TRIM17: variants seen among roughly 807,000 people sequenced by gnomAD.
TRIM17 encodes the protein tripartite motif containing 17, also known as E3 ubiquitin-protein ligase TRIM17.
TRIM17 carries 27 observed loss-of-function variants against 35.8 expected under a neutral mutation model. That is an observed-to-expected ratio of 0.75 (90% CI 0.56 to 1.04). The LOEUF is 1.04. Ranked by LOEUF, TRIM17 falls within the 50% of genes least tolerant of loss-of-function variation. The probability of loss-of-function intolerance (pLI) is 0.00; values close to 1 mark genes in which losing one functional copy is unlikely to be tolerated. For synonymous variants in TRIM17, 246 were observed against 252.6 expected (o/e 0.97, Z 0.25); for missense variants, 582 against 612.8 (o/e 0.95, Z 0.53).
At position 228,416,496 on chromosome 1, in the gene TRIM17, G is replaced by A. The variant is rs929351035; in HGVS notation, c.-42+43C>T. ...GTTAGGCTTAGGTCGTGGCCCAGGC[G>A]CCACAGGAGGGTAGCCTAGGCGGCG... is the stretch of plus-strand genomic sequence containing the variant. On this transcript the variant is annotated intron_variant, in intron 1 of 6. Transcript: ENST00000366698. 1.0e-5 allele frequency: 10 copies of A among 985,544 alleles called. No individual in the cohort carries two copies. In the South Asian group the frequency reaches 1.9e-4, roughly 19 times the overall value. The allele number at this position is 985,544 out of a possible 1,614,324, so 61.0% of individuals were successfully genotyped here.
chr1:228,413,211 C>CAA (rs59069528), intron 3 of TRIM17, among the ~76,000 whole-genome samples: 42 of 103,940 alleles, frequency 4.0e-4, no homozygotes, highest in African/African-American at 1.2e-3. Flanking sequence ...AACTCCATCT[C>CAA]AAAAAAAAAA....
At position 228,411,063 on chromosome 1, in the gene TRIM17, C is replaced by T. The variant is rs1164789695; in HGVS notation, c.639G>A (p.Glu213=). ...CGCTCTCCCGGAGCCTGCTGGCAGT[C>T]TCCTCTTCTTCCGTCTCCAGAGCCT... ...LLQALETEEE[E]TASRLRESVA... Residue 213 remains glutamate (E), a synonymous_variant, in exon 4 of 7, where the codon GAG becomes GAA. Transcript: ENST00000366698. The surrounding 1 kb of genome is among the most constrained non-coding windows in gnomAD (Gnocchi z 4.2). 2 of 1,613,970 alleles carry T rather than the reference C, an allele frequency of 1.2e-6. No homozygotes were observed. The highest frequency in any genetic ancestry group is 1.7e-6 in the Non-Finnish European group (2 of 1,180,022).
At chr1:228,413,208 T>C (rs1478925340) in intron 3 of TRIM17, among the ~76,000 whole-genome samples, 2 of 93,540 alleles carry the variant, frequency 2.1e-5, no homozygotes, top group African/African-American at 1.0e-4. Context: ...TGAAACTCCA[T>C]CTCAAAAAAA....
At chr1:228,415,691 A>AG (rs1657074303) in intron 1 of TRIM17, 1 of 152,980 alleles carries the variant, frequency 6.5e-6, no homozygotes, top group Non-Finnish European at 1.5e-5. Flanking sequence ...GGGCTATCAG[A>AG]GGAAAAAAGC....
intron 6 of TRIM17, 92 bp downstream of exon 6, chr1:228,409,080 C>G (rs774778348): frequency 8.7e-6 from 14 of 1,613,604 alleles, no homozygotes; most frequent in Non-Finnish European, 1.0e-5. Context: ...TTGTAGAACC[C>G]CCCCCATTGG....
At position 228,414,018 on chromosome 1, in the gene TRIM17, A is replaced by C. The variant is rs1290021420; in HGVS notation, c.430-126T>G. ...CTCCTCAGGAGGGGCAGGGGATCAAAATACGTCACCCAGAATGTGCCACCT... is the reference window on the plus strand; with the variant it reads ...CTCCTCAGGAGGGGCAGGGGATCAACATACGTCACCCAGAATGTGCCACCT... On this transcript the variant is annotated intron_variant, in intron 2 of 6. Coordinates refer to ENST00000366698, the MANE Select transcript of TRIM17 (RefSeq NM_016102.4). 5 of 726,890 alleles carry C rather than the reference A, an allele frequency of 6.9e-6. No homozygotes were observed. The Admixed American group carries it at 8.7e-5, about 13-fold the overall frequency. The allele number at this position is 726,890 out of a possible 1,614,324, so 45.0% of individuals were successfully genotyped here.
chr1:228,410,979 C>A lies in TRIM17; in HGVS notation c.723G>T (p.Glu241Asp), dbSNP rs1209610627. The change falls in exon 4 of 7, where the codon GAG becomes GAT. Residue 241 changes from glutamate (E) to aspartate (D), a missense_variant. Physicochemically the swap from Glu to Asp is conservative, Grantham distance 45. Coordinates refer to ENST00000366698, the MANE Select transcript of TRIM17 (RefSeq NM_016102.4). The surrounding 1 kb of genome is among the most constrained non-coding windows in gnomAD (Gnocchi z 4.6). ...SLELLLLQLE[E>D]RSTQGPLQML... ...TCTGGAGGGGCCCCTGTGTGCTCCGCTCCTCCAGCTGCAGCAGCAGCAGCT... is the reference window on the plus strand; with the variant it reads ...TCTGGAGGGGCCCCTGTGTGCTCCGATCCTCCAGCTGCAGCAGCAGCAGCT... The A allele has an allele frequency of 6.2e-7, 1 of 1,600,642 alleles. No individual in the cohort carries two copies. Among genetic ancestry groups the A allele is most frequent in the African/African-American group, 1.3e-5 (1 of 74,632 alleles).
chr1:228,415,328 C>A (rs10799476), intron 1 of TRIM17: 130,757 of 459,394 alleles, frequency 0.28, 20,671 homozygotes, highest in South Asian at 0.5. Flanking sequence ...CTCCGCCTCT[C>A]CTCTCCACTG....
chr1:228,416,624 C>A lies in TRIM17; in HGVS notation c.-127G>T. On this transcript the variant is annotated 5_prime_UTR_variant, in exon 1 of 7. Transcript: ENST00000366698. The stretch of plus-strand genomic sequence containing the variant: ...AAGGCTGGGTCTGCCCCCACGAAGC[C>A]CAGGAGGCTGCGGCCCGGCCCGGGG... The A allele has an allele frequency of 5.1e-6, 5 of 985,358 alleles. No individual in the cohort carries two copies. The highest frequency in any genetic ancestry group is 6.0e-6 in the Non-Finnish European group (5 of 830,100). The allele number at this position is 985,358 out of a possible 1,614,324, so 61.0% of individuals were successfully genotyped here.
intron 1 of TRIM17, 196 bp from the exon 2 acceptor site, chr1:228,415,309 T>G: frequency 1.9e-6 from 1 of 520,906 alleles, no homozygotes; most frequent in Non-Finnish European, 3.4e-6. Context: ...ACCAATGCTC[T>G]GCAGGCCCCT....
intron 2 of TRIM17, 137 bp downstream of exon 2, chr1:228,414,507 C>G: frequency 1.4e-6 from 1 of 726,046 alleles, no homozygotes; most frequent in East Asian, 2.7e-5. Flanking sequence ...ACCTTGTCCC[C>G]TGGATGCCTC....
chr1:228,408,583 T>A lies in TRIM17; in HGVS notation c.1052A>T (p.His351Leu). 6.2e-7 allele frequency: 1 copy of A among 1,614,022 alleles called. No homozygotes were observed. The highest frequency in any genetic ancestry group is 8.5e-7 in the Non-Finnish European group (1 of 1,180,012). ...GATGTTCATGCCCACCTCCCAGTAG[T>A]GCCTCCCAGAGGAGAAGGCCGTCTG... Reference protein sequence around the residue: ...VGQTAFSSGRHYWEVGMNITG... With the variant: ...VGQTAFSSGRLYWEVGMNITG... Residue 351 changes from histidine to leucine, a missense_variant, in exon 7 of 7, where the codon CAC becomes CTC. Physicochemically the swap from His to Leu is moderately conservative, Grantham distance 99 (BLOSUM62 -3). Transcript: ENST00000366698. This position sits in a 1 kb window ranked among gnomAD's most constrained non-coding sequence, Gnocchi z 6.3.
At position 228,410,672 on chromosome 1, in the gene TRIM17, G is replaced by A. The variant is rs1656726325; in HGVS notation, c.756+274C>T. Among the ~76,000 whole-genome samples the A allele has an allele frequency of 1.3e-5, 2 of 152,186 alleles. No individual in the cohort carries two copies. Among genetic ancestry groups the A allele is most frequent in the South Asian group, 4.1e-4 (2 of 4,824 alleles). ...TGGGCCCTAATCCAGTCTGACTGGT[G>A]TCTTTATACAAGGAGATGATTAGGA... On this transcript the variant is annotated intron_variant, in intron 4 of 6. Transcript: ENST00000366698. This position sits in a 1 kb window ranked among gnomAD's most constrained non-coding sequence, Gnocchi z 4.6.
Position 228,411,414 on chromosome 1 carries a change from A to G in TRIM17, c.526-238T>C, listed in dbSNP as rs1656779998. 6.6e-6 allele frequency among the ~76,000 whole-genome samples: 1 copy of G among 152,198 alleles called. No individual in the cohort carries two copies. The highest frequency in any genetic ancestry group is 6.5e-5 in the Admixed American group (1 of 15,280). On this transcript the variant is annotated intron_variant, in intron 3 of 6. Transcript: ENST00000366698. The surrounding 1 kb of genome is among the most constrained non-coding windows in gnomAD (Gnocchi z 4.2). ...CAAACACCCATGCACCCTTGCTCTG[A>G]GGAGGTTCAGAATGTCCACCCCCAG...
chr1:228,409,382 C>T lies in TRIM17; in HGVS notation c.779+7G>A. The T allele has an allele frequency of 6.3e-7, 1 of 1,574,866 alleles. No homozygotes were observed. Among genetic ancestry groups the T allele is most frequent in the Non-Finnish European group, 8.6e-7 (1 of 1,162,388 alleles). ...TGCCCCCGCCCCTGCCTGAGGGGAC[C>T]ACATACCTGCTCAGGGGTTCCTTCA... On this transcript the variant is annotated splice_region_variant and intron_variant, in intron 5 of 6. Transcript: ENST00000366698.
chr1:228,415,109 G>A lies in TRIM17; in HGVS notation c.-37C>T. The A allele has an allele frequency of 6.4e-7, 1 of 1,568,452 alleles. No individual in the cohort carries two copies. Among genetic ancestry groups the A allele is most frequent in the Non-Finnish European group, 8.7e-7 (1 of 1,155,228 alleles). ...GACACGAGGCAGGTTCCCGCTTGAG[G>A]GACTCTGGAGAGAGTTGGAGGGAGC... On this transcript the variant is annotated 5_prime_UTR_variant, in exon 2 of 7. Transcript: ENST00000366698.
intron 4 of TRIM17, among the ~76,000 whole-genome samples, chr1:228,409,952 C>A (rs1044138985): frequency 2.0e-5 from 3 of 152,142 alleles, no homozygotes; most frequent in African/African-American, 7.2e-5. Flanking sequence ...AGAGCGTGAC[C>A]CTAACTCTAG....
rs2291998 is a variant in TRIM17, at chr1:228,414,812, C to T, written c.261G>A (p.Ala87=). 23,992 of 1,613,420 alleles carry T rather than the reference C, an allele frequency of 0.015. 307 individuals carry two copies. Among genetic ancestry groups the T allele is most frequent in the East Asian group, 0.063 (2,830 of 44,874 alleles). ...GCTTCTGCAGACCAGGATGCTGCTG[C>T]GCCATCTCGGCCACCTTGGTCAGCA... is the stretch of plus-strand genomic sequence containing the variant. The part of the protein sequence containing the change: ...NRLLTKVAEM[A]QQHPGLQKQD... The change falls in exon 2 of 7, where the codon GCG becomes GCA. Residue 87 remains alanine (A), a synonymous_variant. Transcript: ENST00000366698.
In TRIM17 at chr1:228,411,728, G is replaced by A. The variant is rs1005256158; in HGVS notation, c.526-552C>T. On this transcript the variant is annotated intron_variant, in intron 3 of 6. Coordinates refer to ENST00000366698, the MANE Select transcript of TRIM17 (RefSeq NM_016102.4). The surrounding 1 kb of genome is among the most constrained non-coding windows in gnomAD (Gnocchi z 4.2). ...TGCAACTTTGACCTCCTGGCCTCAA[G>A]TGACCCTCCCACCTCAGCCTTCCAA... Among the ~76,000 whole-genome samples the A allele has an allele frequency of 1.3e-5, 2 of 152,196 alleles. No homozygotes were observed. The highest frequency in any genetic ancestry group is 2.9e-5 in the Non-Finnish European group (2 of 68,032).
Sources: gnomAD v4.1 joint callset for allele counts (sites outside exome capture counted in the v4.1 genomes callset) on GRCh38, gnomAD v4.1.1 for gene constraint, Gnocchi (gnomAD v3.1) non-coding constraint, MANE v1.5 for transcripts, NCBI Gene and HGNC (gene_info 2026-07-23, HGNC 2026-07-21) for gene names.